Variants in ADGRF3 observed in about 807,000 individuals in gnomAD.
The protein encoded by ADGRF3 is adhesion G protein-coupled receptor F3, also known as G protein-coupled receptor 113.
ADGRF3 carries 85 observed loss-of-function variants against 93.2 expected under a neutral mutation model. The ratio of observed to expected loss-of-function variants is 0.91; its 90% CI spans 0.77 to 1.09. The LOEUF (loss-of-function observed/expected upper bound fraction) is 1.09. Among genes scored for constraint, ADGRF3 ranks in the 50% least tolerant of loss-of-function variants. The pLI is 0.00. For missense variants in ADGRF3, 1,125 were observed against 1,246.2 expected (o/e 0.90, Z 1.46); for synonymous variants, 534 against 532.5 (o/e 1.00, Z -0.04).
At chr2:26,338,570 C>T (rs991785568) in intron 1 of ADGRF3, among the ~76,000 whole-genome samples, 1 of 152,168 alleles carries the variant, frequency 6.6e-6, no homozygotes, top group African/African-American at 2.4e-5. Context: ...TTAAGTGATT[C>T]TCCTGCCTCA....
chr2:26,329,222 A>C (rs1387417385), intron 1 of ADGRF3, among the ~76,000 whole-genome samples: 2 of 152,032 alleles, frequency 1.3e-5, no homozygotes, highest in African/African-American at 2.4e-5. Flanking sequence ...TGCCGCCTTG[A>C]CCTCGTGGGC....
chr2:26,337,326 C>T (rs1676111263), intron 1 of ADGRF3, among the ~76,000 whole-genome samples: 1 of 152,204 alleles, frequency 6.6e-6, no homozygotes, highest in South Asian at 2.1e-4. Flanking sequence ...TTGTAGCTTC[C>T]ACTTTATTGT....
Position 26,317,537 on chromosome 2 carries a change from G to A in ADGRF3, c.140C>T (p.Ser47Phe), listed in dbSNP as rs776107604. 4 of 1,584,660 alleles carry A rather than the reference G, an allele frequency of 2.5e-6. No individual in the cohort carries two copies. Among genetic ancestry groups the A allele is most frequent in the Non-Finnish European group, 2.6e-6 (3 of 1,165,732 alleles). ...EKGQSQAGGE[S>F]GSGQLLDQEN... ...TTGGTCCAGGAGCTGCCCAGATCCA[G>A]ATTCCCCTCCAGCCTGACTCTGTCC... Residue 47 changes from serine (S) to phenylalanine (F), a missense_variant, in exon 2 of 14, where the codon TCT becomes TTT. Coordinates refer to ENST00000651242, the MANE Select transcript of ADGRF3 (RefSeq NM_001321971.2).
intron 1 of ADGRF3, among the ~76,000 whole-genome samples, chr2:26,327,899 C>T (rs533991629): frequency 2.6e-5 from 4 of 152,208 alleles, no homozygotes; most frequent in African/African-American, 9.6e-5. Flanking sequence ...GACTCAGAGT[C>T]CTCACAACCT....
rs1674566692 is a variant in ADGRF3 at position 26,315,486 on chromosome 2, A to AG, written c.718+35dup. ...ACGAGGATGAAGGGAAGTAAGAGGAAGGAGAAAGGAGGCAAGGAGAGGACA... is the reference window on the plus strand; with the variant it reads ...ACGAGGATGAAGGGAAGTAAGAGGAAGGGAGAAAGGAGGCAAGGAGAGGACA... On this transcript the variant is annotated intron_variant, in intron 5 of 13. Coordinates refer to ENST00000651242, the MANE Select transcript of ADGRF3 (RefSeq NM_001321971.2). The AG allele has an allele frequency of 4.7e-5, 72 of 1,533,838 alleles. 1 individual carries two copies. The South Asian group carries it at 8.4e-4, about 18-fold the overall frequency.
At chr2:26,330,350 C>T (rs1294855727) in intron 1 of ADGRF3, among the ~76,000 whole-genome samples, 1 of 152,136 alleles carries the variant, frequency 6.6e-6, no homozygotes, top group Non-Finnish European at 1.5e-5. Flanking sequence ...ATCTTCTTGT[C>T]CTCTTCCTTT....
chr2:26,317,396 C>T (rs1674796473), intron 2 of ADGRF3, 100 bp downstream of exon 2: 1 of 1,153,540 alleles, frequency 8.7e-7, no homozygotes, highest in Non-Finnish European at 1.3e-6. Context: ...GCCACCACTC[C>T]CTCGCTGCAC....
rs572910477 is a variant in ADGRF3, at chr2:26,336,014, G to A, written c.114+10107C>T. On this transcript the variant is annotated intron_variant, in intron 1 of 13. Coordinates refer to ENST00000651242, the MANE Select transcript of ADGRF3 (RefSeq NM_001321971.2). ...TGAGGCATTATCTTACAGACTCAGA[G>A]GTATACAGATTTGGTCTTTACCTTC... Among the ~76,000 whole-genome samples, 5 of 152,238 alleles carry A rather than the reference G, an allele frequency of 3.3e-5. 1 individual carries two copies. The South Asian group carries it at 1.0e-3, about 32-fold the overall frequency.
rs534427405 is a variant in ADGRF3, at chr2:26,346,130, C to T, written c.105G>A (p.Leu35=). ...TGWARMAKTG[L]PEKGQSQAGG... is the part of the protein sequence containing the mutation. Reference sequence around the variant, plus strand: ...AGCGCGGCTCTCCTACCTTCTCGGGCAGCCCAGTCTTTGCCATCCTTGCCC... The same window carrying T: ...AGCGCGGCTCTCCTACCTTCTCGGGTAGCCCAGTCTTTGCCATCCTTGCCC... Residue 35 remains leucine (L), a synonymous_variant, in exon 1 of 14, where the codon CTG becomes CTA. Coordinates refer to ENST00000651242, the MANE Select transcript of ADGRF3 (RefSeq NM_001321971.2). 11 of 1,593,314 alleles carry T rather than the reference C, an allele frequency of 6.9e-6. No individual in the cohort carries two copies. The highest frequency in any genetic ancestry group is 9.4e-6 in the Non-Finnish European group (11 of 1,171,336).
intron 1 of ADGRF3, among the ~76,000 whole-genome samples, chr2:26,338,262 C>A (rs1676164079): frequency 6.6e-6 from 1 of 151,866 alleles, no homozygotes; most frequent in Admixed American, 6.6e-5. Flanking sequence ...ACCTGTAGTC[C>A]CAGCTACTTG....
At position 26,313,081 on chromosome 2, in the gene ADGRF3, T is replaced by C. The variant is rs745353999; in HGVS notation, c.1311A>G (p.Pro437=). ...GCCCTGGCAGCTGTGCCAGGATCTG[T>C]GGCACCTCCTCAGCAGGACTGCCCT... ...AGQGSPAEEV[P]QILAQLPGQA... Residue 437 remains proline (P), a synonymous_variant, in exon 9 of 14, where the codon CCA becomes CCG. Transcript: ENST00000651242. The C allele has an allele frequency of 6.2e-7, 1 of 1,614,016 alleles. No individual in the cohort carries two copies. The highest frequency in any genetic ancestry group is 1.7e-5 in the Admixed American group (1 of 60,030).
chr2:26,317,529 C>T lies in ADGRF3; in HGVS notation c.148G>A (p.Gly50Arg). The T allele has an allele frequency of 1.3e-6, 2 of 1,587,842 alleles. No homozygotes were observed. The highest frequency in any genetic ancestry group is 2.3e-5 in the South Asian group (2 of 86,348). The change falls in exon 2 of 14, where the codon GGG becomes AGG. Residue 50 changes from glycine (G) to arginine (R), a missense_variant. Transcript: ENST00000651242. ...QSQAGGESGS[G>R]QLLDQENGAG... ...CCATTCTCTTGGTCCAGGAGCTGCCCAGATCCAGATTCCCCTCCAGCCTGA... is the reference window on the plus strand; with the variant it reads ...CCATTCTCTTGGTCCAGGAGCTGCCTAGATCCAGATTCCCCTCCAGCCTGA...
In ADGRF3 at chr2:26,308,889, T is replaced by C. The variant is rs1248070306; in HGVS notation, c.*197A>G. 3.1e-6 allele frequency: 2 copies of C among 638,124 alleles called. No individual in the cohort carries two copies. Among genetic ancestry groups the C allele is most frequent in the Non-Finnish European group, 5.2e-6 (2 of 382,674 alleles). 39.5% of individuals were successfully genotyped at this position (638,124 alleles called of 1,614,324 possible). On this transcript the variant is annotated 3_prime_UTR_variant, in exon 14 of 14. Transcript: ENST00000651242. ...GCCTTTAGCTAATTTTTCCTGCTAT[T>C]CTTGCTGGATACTTTAGAAATGAGA...
At chr2:26,330,459 T>C (rs1275021977) in intron 1 of ADGRF3, among the ~76,000 whole-genome samples, 1 of 152,224 alleles carries the variant, frequency 6.6e-6, no homozygotes, top group African/African-American at 2.4e-5. Context: ...ATGCACTTAC[T>C]GTGACTGTTC....
intron 5 of ADGRF3, 64 bp downstream of exon 5, chr2:26,315,458 A>G: frequency 1.3e-6 from 2 of 1,494,690 alleles, no homozygotes; most frequent in African/African-American, 1.4e-5. Context: ...GCAGAGAAGG[A>G]AGACGAGGAT....
chr2:26,310,769 C>T lies in ADGRF3; in HGVS notation c.2755G>A (p.Gly919Arg), dbSNP rs146813262. 2.4e-5 allele frequency: 38 copies of T among 1,613,450 alleles called. No homozygotes were observed. The African/African-American group carries it at 4.1e-4, about 18-fold the overall frequency. Residue 919 changes from glycine to arginine, a missense_variant, in exon 10 of 14, where the codon GGG becomes AGG. Coordinates refer to ENST00000651242, the MANE Select transcript of ADGRF3 (RefSeq NM_001321971.2). ...TCTAACAGAGTGGCCAGGCCCAGCC[C>T]CCAGGTGAGGCCAAAGATGGGTGTA... Reference protein sequence around the residue: ...ILTPIFGLTWGLGLATLLEEV... With the variant: ...ILTPIFGLTWRLGLATLLEEV...
At chr2:26,341,733 A>C (rs1450437601) in intron 1 of ADGRF3, among the ~76,000 whole-genome samples, 1 of 152,082 alleles carries the variant, frequency 6.6e-6, no homozygotes, top group Non-Finnish European at 1.5e-5. Context: ...CCTGGGCTCA[A>C]GGGACCCTCC....
At chr2:26,310,366 G>C in intron 10 of ADGRF3, 129 bp from the exon 11 acceptor site, 1 of 1,001,562 alleles carries the variant, frequency 1.0e-6, no homozygotes. Flanking sequence ...ACCACTATTT[G>C]GTGCATAGGA....
At chr2:26,326,909 A>G (rs1451541100) in intron 1 of ADGRF3, among the ~76,000 whole-genome samples, 1 of 152,096 alleles carries the variant, frequency 6.6e-6, no homozygotes, top group Non-Finnish European at 1.5e-5. Context: ...AGCTGGGACT[A>G]CAGGCGACCA....
Sources: allele counts gnomAD v4.1 joint callset (sites outside exome capture counted in the v4.1 genomes callset), GRCh38; gene constraint gnomAD v4.1.1; transcripts MANE v1.5; gene names NCBI Gene and HGNC (gene_info 2026-07-23, HGNC 2026-07-21).